Variants in DDX10 observed in about 807,000 individuals in gnomAD.
DDX10 encodes the protein probable ATP-dependent RNA helicase DDX10.
Under a neutral mutation model 104.3 loss-of-function variants are expected in DDX10, and 74 were observed. The observed-to-expected ratio is 0.71, with a 90% CI of 0.59 to 0.86. The LOEUF (loss-of-function observed/expected upper bound fraction) is 0.86, where lower values mean the gene tolerates loss of function less well. Among genes scored for constraint, DDX10 ranks in the 40% least tolerant of loss-of-function variants. The probability of loss-of-function intolerance (pLI) is 0.00; values close to 1 mark genes in which losing one functional copy is unlikely to be tolerated. For synonymous variants in DDX10, 351 were observed against 353.4 expected (o/e 0.99, Z 0.08); for missense variants, 952 against 1,040.0 (o/e 0.92, Z 1.16).
At chr11:108,902,617 A>G (rs936353810) in intron 16 of DDX10, among the ~76,000 whole-genome samples, 3 of 152,122 alleles carry the variant, frequency 2.0e-5, no homozygotes, top group Non-Finnish European at 4.4e-5. Context: ...CTCATTGAAT[A>G]TTCACTTTGT....
chr11:108,665,092 T>G lies in DDX10; in HGVS notation c.-62T>G. The G allele has an allele frequency of 5.4e-5, 81 of 1,488,478 alleles. No homozygotes were observed. Among genetic ancestry groups the G allele is most frequent in the Non-Finnish European group, 6.7e-5 (75 of 1,122,998 alleles). The allele number at this position is 1,488,478 out of a possible 1,614,324, so 92.2% of individuals were successfully genotyped here. A position where few individuals can be genotyped will look rare whatever the true frequency, so the allele number is the denominator to read the frequency against. ...GTGCGTTTGTCCCATGCTGGTTCCG[T>G]GAGTCTGGCCTTAGGTGTCTCGTGT... On this transcript the variant is annotated 5_prime_UTR_variant, in exon 1 of 18. The change abolishes the stop of an existing upstream ORF in the 5' untranslated region. Coordinates refer to ENST00000322536, the MANE Select transcript of DDX10 (RefSeq NM_004398.4).
At chr11:108,830,314 G>A (rs1320662914) in intron 13 of DDX10, among the ~76,000 whole-genome samples, 1 of 151,882 alleles carries the variant, frequency 6.6e-6, no homozygotes, top group Non-Finnish European at 1.5e-5. Flanking sequence ...ACGTTTTTTT[G>A]CAGCTATTCT....
chr11:108,822,182 G>A (rs1204214268), intron 13 of DDX10, among the ~76,000 whole-genome samples: 6 of 152,312 alleles, frequency 3.9e-5, no homozygotes, highest in Non-Finnish European at 1.5e-5. Flanking sequence ...CCACAGGCCA[G>A]TCTTAGTTTT....
chr11:108,875,041 A>G (rs1863133530), intron 16 of DDX10, among the ~76,000 whole-genome samples: 1 of 152,200 alleles, frequency 6.6e-6, no homozygotes, highest in African/African-American at 2.4e-5. Context: ...TAAAGGTACC[A>G]CAGCTAAAGT....
chr11:108,856,265 A>G (rs1340675042), intron 16 of DDX10, among the ~76,000 whole-genome samples: 1 of 152,144 alleles, frequency 6.6e-6, no homozygotes, highest in African/African-American at 2.4e-5. Flanking sequence ...CCCTGTCTCT[A>G]CTAAAAATAC....
At chr11:108,872,409 A>G (rs182784140) in intron 16 of DDX10, among the ~76,000 whole-genome samples, 84 of 152,340 alleles carry the variant, frequency 5.5e-4, no homozygotes, top group African/African-American at 2.0e-3. Context: ...AATACTTAAG[A>G]AAACAGCCCT....
rs77988879 is a variant in DDX10 at position 108,754,841 on chromosome 11, A to G, written c.1965+31379A>G. Reference sequence around the variant, plus strand: ...CTTAACTGGATGGGCAACCAGGAGCATAACAGTTAAAAACCAGAAAGTCAG... The same window carrying G: ...CTTAACTGGATGGGCAACCAGGAGCGTAACAGTTAAAAACCAGAAAGTCAG... On this transcript the variant is annotated intron_variant, in intron 13 of 17. Transcript: ENST00000322536. 6.7e-3 allele frequency among the ~76,000 whole-genome samples: 1,026 copies of G among 152,194 alleles called. 12 individuals carry two copies. The highest frequency in any genetic ancestry group is 0.023 in the African/African-American group (961 of 41,554).
chr11:108,821,709 C>T lies in DDX10; in HGVS notation c.1966-16737C>T, dbSNP rs140848638. Among the ~76,000 whole-genome samples the T allele has an allele frequency of 8.9e-4, 135 of 151,900 alleles. 1 individual carries two copies. Among genetic ancestry groups the T allele is most frequent in the African/African-American group, 3.1e-3 (130 of 41,462 alleles). On this transcript the variant is annotated intron_variant, in intron 13 of 17. Transcript: ENST00000322536. ...GTCATTTCTATGGTCCTTTTATGAACGTAAGAAAGCGCTTTTTTAAAAAAA... is the reference window on the plus strand; with the variant it reads ...GTCATTTCTATGGTCCTTTTATGAATGTAAGAAAGCGCTTTTTTAAAAAAA...
At chr11:108,934,993 G>A (rs1864019576) in intron 17 of DDX10, among the ~76,000 whole-genome samples, 1 of 152,154 alleles carries the variant, frequency 6.6e-6, no homozygotes, top group African/African-American at 2.4e-5. Flanking sequence ...TTTTGTTGCA[G>A]TGATGGTAAT....
chr11:108,922,520 C>G (rs1007601328), intron 17 of DDX10, among the ~76,000 whole-genome samples: 1 of 152,192 alleles, frequency 6.6e-6, no homozygotes, highest in East Asian at 1.9e-4. Flanking sequence ...CAATGGAGAG[C>G]CAGATTTAGT....
intron 15 of DDX10, among the ~76,000 whole-genome samples, chr11:108,845,935 G>A (rs1362186326): frequency 6.6e-6 from 1 of 152,026 alleles, no homozygotes; most frequent in Non-Finnish European, 1.5e-5. Flanking sequence ...TAGTATAGTA[G>A]GATTCAACTA....
intron 13 of DDX10, among the ~76,000 whole-genome samples, chr11:108,749,092 A>G (rs1054142800): frequency 1.3e-5 from 2 of 151,112 alleles, no homozygotes; most frequent in African/African-American, 2.4e-5. Context: ...CTCTCTATAT[A>G]TATATTATAT....
intron 13 of DDX10, among the ~76,000 whole-genome samples, chr11:108,758,351 C>G (rs1413372528): frequency 6.6e-6 from 1 of 152,034 alleles, no homozygotes; most frequent in Non-Finnish European, 1.5e-5. Flanking sequence ...GTGAAATAAA[C>G]TTAGCAGTAA....
At chr11:108,807,603 C>G (rs992832315) in intron 13 of DDX10, among the ~76,000 whole-genome samples, 1 of 152,102 alleles carries the variant, frequency 6.6e-6, no homozygotes, top group African/African-American at 2.4e-5. Flanking sequence ...CTGTGGTGAA[C>G]AGAAAAATCA....
At chr11:108,759,512 A>G (rs2134513900) in intron 13 of DDX10, among the ~76,000 whole-genome samples, 1 of 152,160 alleles carries the variant, frequency 6.6e-6, no homozygotes, top group Admixed American at 6.6e-5. Context: ...GATGGTAGAT[A>G]TGGTTGTAAG....
chr11:108,702,859 C>T (rs2094270411), intron 9 of DDX10, among the ~76,000 whole-genome samples: 1 of 152,182 alleles, frequency 6.6e-6, no homozygotes, highest in South Asian at 2.1e-4. Context: ...TTTAGGCCAA[C>T]CTCTTGGGCT....
intron 17 of DDX10, among the ~76,000 whole-genome samples, chr11:108,926,645 G>A (rs1159023723): frequency 1.3e-5 from 2 of 152,152 alleles, no homozygotes; most frequent in Non-Finnish European, 1.5e-5. Flanking sequence ...TTTCACTACC[G>A]ATTCTACATG....
At chr11:108,777,042 A>AT (rs1382902124) in intron 13 of DDX10, among the ~76,000 whole-genome samples, 1 of 152,196 alleles carries the variant, frequency 6.6e-6, no homozygotes, top group African/African-American at 2.4e-5. Context: ...GAATAAGTGG[A>AT]TATTAAGTGG....
At chr11:108,917,731 A>AG (rs2134664053) in intron 16 of DDX10, 142 bp from the exon 17 acceptor site, 1 of 719,590 alleles carries the variant, frequency 1.4e-6, no homozygotes, top group South Asian at 2.3e-5. Flanking sequence ...TGGTTCTGAA[A>AG]GTCACATAAG....
Sources: gnomAD v4.1 joint callset for allele counts (sites outside exome capture counted in the v4.1 genomes callset) on GRCh38, gnomAD v4.1.1 for gene constraint, MANE v1.5 for transcripts, NCBI Gene and HGNC (gene_info 2026-07-23, HGNC 2026-07-21) for gene names.